The following GMDS variants were observed in gnomAD, a reference collection of about 807,000 sequenced individuals.
The protein encoded by GMDS is GDP-mannose 4,6-dehydratase.
Under a neutral mutation model 49.9 loss-of-function variants are expected in GMDS, and 20 were observed. The observed-to-expected ratio is 0.40, with a 90% CI of 0.28 to 0.58. The LOEUF (loss-of-function observed/expected upper bound fraction) is 0.58, where lower values mean the gene tolerates loss of function less well. Ranked by LOEUF, GMDS falls within the 20% of genes least tolerant of loss-of-function variation. GMDS has a pLI of 0.42. For missense variants in GMDS, 362 were observed against 481.4 expected, an observed-to-expected ratio of 0.75 and a Z score of 2.32; for synonymous variants, 177 against 178.6, an observed-to-expected ratio of 0.99 and a Z score of 0.07.
intron 9 of GMDS, among the ~76,000 whole-genome samples, chr6:1,649,589 C>T (rs1051414905): frequency 1.3e-5 from 2 of 152,284 alleles, no homozygotes; most frequent in Admixed American, 6.5e-5. Context: ...GGCACGTTAT[C>T]CAAGGCACAG....
chr6:1,729,981 TG>T (rs1381949446), intron 8 of GMDS, among the ~76,000 whole-genome samples: 14 of 146,356 alleles, frequency 9.6e-5, no homozygotes, highest in African/African-American at 3.1e-4. Context: ...CCTAAGTTGG[TG>T]GGGGCGGGGG....
In GMDS at chr6:1,749,858, G is replaced by T. The variant is rs77244527; in HGVS notation, c.772-7272C>A. Among the ~76,000 whole-genome samples the T allele has an allele frequency of 5.6e-3, 855 of 152,098 alleles. 6 individuals carry two copies. The highest frequency in any genetic ancestry group is 0.011 in the South Asian group (52 of 4,814). ...CTTTTTCATTTTTTTTGTAGACAGG[G>T]TCTTACCCTGTCACCCAGACTGTAG... On this transcript the variant is annotated intron_variant, in intron 7 of 10. Transcript: ENST00000380815.
At chr6:2,243,403 A>C (rs748350445) in intron 1 of GMDS, among the ~76,000 whole-genome samples, 1 of 152,198 alleles carries the variant, frequency 6.6e-6, no homozygotes, top group Non-Finnish European at 1.5e-5. Flanking sequence ...GGTATAGGCC[A>C]CACCAACACA....
intron 1 of GMDS, among the ~76,000 whole-genome samples, chr6:2,156,275 G>A (rs910239203): frequency 2.0e-5 from 3 of 152,092 alleles, no homozygotes; most frequent in African/African-American, 7.2e-5. Context: ...ACTAGCAACA[G>A]ACTAATTGTC....
intron 1 of GMDS, among the ~76,000 whole-genome samples, chr6:2,138,538 T>C (rs1390174362): frequency 6.6e-6 from 1 of 152,202 alleles, no homozygotes; most frequent in Non-Finnish European, 1.5e-5. Flanking sequence ...CCAAATCTCA[T>C]GTTGAAATGT....
intron 1 of GMDS, among the ~76,000 whole-genome samples, chr6:2,228,423 C>T (rs1436658641): frequency 2.0e-5 from 3 of 152,232 alleles, no homozygotes; most frequent in African/African-American, 2.4e-5. Context: ...GAGCTGAGCC[C>T]GTTTTTTAAA....
intron 2 of GMDS, among the ~76,000 whole-genome samples, chr6:2,118,519 T>C (rs544452838): frequency 6.6e-6 from 1 of 152,336 alleles, no homozygotes; most frequent in South Asian, 2.1e-4. Context: ...ATCCTTGGTA[T>C]GACTCAAATA....
At chr6:1,719,267 G>A (rs1228738360) in intron 9 of GMDS, among the ~76,000 whole-genome samples, 2 of 152,000 alleles carry the variant, frequency 1.3e-5, no homozygotes, top group African/African-American at 4.8e-5. Flanking sequence ...ATGTAACAGT[G>A]GATAGAGAAG....
intron 4 of GMDS, among the ~76,000 whole-genome samples, chr6:2,065,753 A>C (rs1378234681): frequency 6.6e-6 from 1 of 152,316 alleles, no homozygotes; most frequent in Non-Finnish European, 1.5e-5. Flanking sequence ...CAAAGCCTCC[A>C]AGAAATATGG....
At chr6:2,003,094 C>T (rs1202651447) in intron 4 of GMDS, among the ~76,000 whole-genome samples, 1 of 152,016 alleles carries the variant, frequency 6.6e-6, no homozygotes, top group African/African-American at 2.4e-5. Flanking sequence ...GTATATGTTA[C>T]CTAAGCTAAC....
At chr6:1,781,221 C>G (rs1412142779) in intron 7 of GMDS, among the ~76,000 whole-genome samples, 1 of 152,200 alleles carries the variant, frequency 6.6e-6, no homozygotes, top group Non-Finnish European at 1.5e-5. Flanking sequence ...TCCAGCTCTG[C>G]CTGGCTCCCT....
Position 1,654,985 on chromosome 6 carries a change from C to T in GMDS, c.988-30445G>A, listed in dbSNP as rs147790357. On this transcript the variant is annotated intron_variant, in intron 9 of 10. Coordinates refer to ENST00000380815, the MANE Select transcript of GMDS (RefSeq NM_001500.4). ...CTGAGGCAGGAGAATCACTTGAACCCGGGAGGCAGAGGCTGCAGTGAGCCA... is the reference window on the plus strand; with the variant it reads ...CTGAGGCAGGAGAATCACTTGAACCTGGGAGGCAGAGGCTGCAGTGAGCCA... 2.4e-4 allele frequency among the ~76,000 whole-genome samples: 36 copies of T among 149,848 alleles called. No individual in the cohort carries two copies. The East Asian group carries it at 5.7e-3, about 24-fold the overall frequency.
At chr6:2,020,616 AT>A (rs944216406) in intron 4 of GMDS, among the ~76,000 whole-genome samples, 2 of 151,934 alleles carry the variant, frequency 1.3e-5, no homozygotes. Flanking sequence ...CCAGAGGCAT[AT>A]TTTTTTTAAA....
intron 4 of GMDS, among the ~76,000 whole-genome samples, chr6:1,984,897 C>T (rs866053018): frequency 1.1e-4 from 16 of 152,156 alleles, no homozygotes; most frequent in Admixed American, 4.6e-4. Context: ...CAACACAAAG[C>T]TACTGAAAAA....
At chr6:2,101,233 A>G (rs992666403) in intron 4 of GMDS, among the ~76,000 whole-genome samples, 2 of 151,964 alleles carry the variant, frequency 1.3e-5, no homozygotes, top group Non-Finnish European at 2.9e-5. Context: ...GTTAAAACAC[A>G]TCTTTTCCCA....
At chr6:1,721,663 T>C (rs989401569) in intron 9 of GMDS, among the ~76,000 whole-genome samples, 1 of 152,182 alleles carries the variant, frequency 6.6e-6, no homozygotes, top group African/African-American at 2.4e-5. Flanking sequence ...TTGTTTTGCT[T>C]TTTTAGTGGA....
chr6:1,637,097 G>T (rs1452149364), intron 9 of GMDS, among the ~76,000 whole-genome samples: 3 of 152,268 alleles, frequency 2.0e-5, no homozygotes, highest in African/African-American at 7.2e-5. Flanking sequence ...GCAGCAGAGT[G>T]GTAGGACTGA....
Position 1,999,127 on chromosome 6 carries a change from G to T in GMDS, c.346-38161C>A, listed in dbSNP as rs376507914. On this transcript the variant is annotated intron_variant, in intron 4 of 10. Coordinates refer to ENST00000380815, the MANE Select transcript of GMDS (RefSeq NM_001500.4). ...TCATGAGGTCAGGAAATCGAGACCAGCCTGGCCAACATGGTGAAACCCCGT... is the reference window on the plus strand; with the variant it reads ...TCATGAGGTCAGGAAATCGAGACCATCCTGGCCAACATGGTGAAACCCCGT... Among the ~76,000 whole-genome samples the T allele has an allele frequency of 4.0e-4, 61 of 152,148 alleles. No homozygotes were observed. The East Asian group carries it at 4.1e-3, about 10-fold the overall frequency.
At chr6:1,776,797 T>C (rs1279390930) in intron 7 of GMDS, among the ~76,000 whole-genome samples, 1 of 152,192 alleles carries the variant, frequency 6.6e-6, no homozygotes, top group Non-Finnish European at 1.5e-5. Flanking sequence ...GCACTGATTT[T>C]GCTCCTTTCT....
Sources: gnomAD v4.1 joint callset for allele counts (sites outside exome capture counted in the v4.1 genomes callset) on GRCh38, gnomAD v4.1.1 for gene constraint, MANE v1.5 for transcripts, NCBI Gene and HGNC (gene_info 2026-07-23, HGNC 2026-07-21) for gene names.